Variants in CLCA4 observed in about 807,000 individuals in gnomAD.
The protein encoded by CLCA4 is calcium-activated chloride channel regulator 4.
In CLCA4, 69 loss-of-function variants were observed where a neutral mutation model predicts 78.9. That is an observed-to-expected ratio of 0.87 (90% CI 0.72 to 1.07). CLCA4 has a LOEUF of 1.07. Ranked by LOEUF, CLCA4 falls within the 50% of genes least tolerant of loss-of-function variation. CLCA4 has a pLI of 0.00. For synonymous variants in CLCA4, 362 were observed against 375.8 expected (o/e 0.96, Z 0.42); for missense variants, 1,133 against 1,095.8 (o/e 1.03, Z -0.48).
chr1:86,553,108 C>G (rs114740210), intron 1 of CLCA4: 6 of 755,500 alleles, frequency 7.9e-6, no homozygotes, highest in East Asian at 2.5e-5. Context: ...GGGTGTGCGC[C>G]GTATCCCATC....
At position 86,580,307 on chromosome 1, in the gene CLCA4, G is replaced by A. The variant is rs2101823755; in HGVS notation, c.2722G>A (p.Val908Ile). 6 of 1,598,860 alleles carry A rather than the reference G, an allele frequency of 3.8e-6. No individual in the cohort carries two copies. The highest frequency in any genetic ancestry group is 5.1e-6 in the Non-Finnish European group (6 of 1,175,006). The change falls in exon 14 of 14, where the codon GTT becomes ATT. Residue 908 changes from valine to isoleucine, a missense_variant. Coordinates refer to ENST00000370563, the MANE Select transcript of CLCA4 (RefSeq NM_012128.4). Reference sequence around the variant, plus strand: ...GCTGGTATTGTCTGTGATTGGGTCTGTTGTAATTGTTAACTTTATTTTAAG... The same window carrying A: ...GCTGGTATTGTCTGTGATTGGGTCTATTGTAATTGTTAACTTTATTTTAAG... ...STLVLSVIGS[V>I]VIVNFILSTT...
intron 9 of CLCA4, among the ~76,000 whole-genome samples, chr1:86,573,594 A>AT (rs1245042601): frequency 6.6e-6 from 1 of 151,084 alleles, no homozygotes; most frequent in African/African-American, 2.4e-5. Context: ...AAGTTATGGG[A>AT]TGTGAGCTTA....
intron 9 of CLCA4, among the ~76,000 whole-genome samples, chr1:86,574,302 T>G (rs1330814156): frequency 6.6e-6 from 1 of 151,742 alleles, no homozygotes; most frequent in Admixed American, 6.6e-5. Flanking sequence ...AACAGTAAGG[T>G]CATATTCATG....
In CLCA4 at chr1:86,571,281, C is replaced by G. The variant is rs762608770; in HGVS notation, c.1360+27C>G. The stretch of plus-strand genomic sequence containing the variant: ...TAAAACACGATCCATTTATTCCAGG[C>G]CTTCAATAGTAATGCATAAATGTAA... On this transcript the variant is annotated intron_variant, in intron 8 of 13. Transcript: ENST00000370563. 3 of 1,585,952 alleles carry G rather than the reference C, an allele frequency of 1.9e-6. No individual in the cohort carries two copies. The East Asian group carries it at 6.7e-5, about 36-fold the overall frequency.
In CLCA4 at chr1:86,565,364, A is replaced by G. The variant is rs759470456; in HGVS notation, c.648A>G (p.Thr216=). ...GAGCATGCAGAATTGATTCTACAACAAAACTGTATGGAAAAGATTGTCAAT... is the reference window on the plus strand; with the variant it reads ...GAGCATGCAGAATTGATTCTACAACGAAACTGTATGGAAAAGATTGTCAAT... ...LSRACRIDST[T]KLYGKDCQFF... The change falls in exon 5 of 14, where the codon ACA becomes ACG. Residue 216 remains threonine, a synonymous_variant. Transcript: ENST00000370563. 4 of 1,609,450 alleles carry G rather than the reference A, an allele frequency of 2.5e-6. No homozygotes were observed. In the East Asian group the frequency reaches 8.9e-5, roughly 36 times the overall value.
At chr1:86,559,649 G>A (rs981071013) in intron 1 of CLCA4, among the ~76,000 whole-genome samples, 1 of 152,162 alleles carries the variant, frequency 6.6e-6, no homozygotes, top group Non-Finnish European at 1.5e-5. Context: ...TGACTCCAAA[G>A]TCCATGTACA....
intron 12 of CLCA4, 109 bp downstream of exon 12, chr1:86,578,181 C>G: frequency 5.0e-6 from 5 of 1,004,048 alleles, no homozygotes; most frequent in Non-Finnish European, 7.0e-6. Flanking sequence ...TAGCTTTTCC[C>G]ATTTATGGAA....
chr1:86,559,229 T>C lies in CLCA4; in HGVS notation c.160-703T>C, dbSNP rs115483864. Among the ~76,000 whole-genome samples the C allele has an allele frequency of 5.8e-3, 884 of 152,310 alleles. 9 individuals are homozygous for C. Among genetic ancestry groups the C allele is most frequent in the African/African-American group, 0.02 (823 of 41,572 alleles). On this transcript the variant is annotated intron_variant, in intron 1 of 13. Coordinates refer to ENST00000370563, the MANE Select transcript of CLCA4 (RefSeq NM_012128.4). ...TTATAGTTCTGAATATAAGGTGATA[T>C]TATTTTCATATAGGTGGTAGAGCAA...
At chr1:86,555,051 ATT>A (rs1244396173) in intron 1 of CLCA4, among the ~76,000 whole-genome samples, 1 of 151,656 alleles carries the variant, frequency 6.6e-6, no homozygotes, top group African/African-American at 2.4e-5. Context: ...TTTTTAATGC[ATT>A]GTTTGTTTTT....
At chr1:86,551,010 T>C (rs1297509534) in intron 1 of CLCA4, among the ~76,000 whole-genome samples, 2 of 151,818 alleles carry the variant, frequency 1.3e-5, no homozygotes, top group African/African-American at 2.4e-5. Context: ...TTTTTGTATT[T>C]TTAGTAGAGA....
intron 7 of CLCA4, 63 bp downstream of exon 7, chr1:86,567,714 G>A (rs1650244354): frequency 1.5e-6 from 2 of 1,306,512 alleles, no homozygotes; most frequent in Middle Eastern, 1.9e-4. Flanking sequence ...TTCATGTTAA[G>A]TGGTACTGCA....
chr1:86,549,348 T>C (rs981729330), intron 1 of CLCA4, among the ~76,000 whole-genome samples: 1 of 152,126 alleles, frequency 6.6e-6, no homozygotes. Flanking sequence ...GGAGGAAGCA[T>C]AGGGTGAGCT....
Position 86,579,474 on chromosome 1 carries a change from C to G in CLCA4, c.2243C>G (p.Pro748Arg), listed in dbSNP as rs768624915. 4.3e-6 allele frequency: 7 copies of G among 1,613,318 alleles called. No homozygotes were observed. Among genetic ancestry groups the G allele is most frequent in the Non-Finnish European group, 5.9e-6 (7 of 1,179,508 alleles). ...AFVVSQVPSLPLPDQYPPSQI... is the reference protein window; with the variant it reads ...AFVVSQVPSLRLPDQYPPSQI... Reference sequence around the variant, plus strand: ...GTGGTATCACAAGTCCCAAGCCTTCCCTTGCCTGACCAATACCCACCAAGT... The same window carrying G: ...GTGGTATCACAAGTCCCAAGCCTTCGCTTGCCTGACCAATACCCACCAAGT... Residue 748 changes from proline (P) to arginine (R), a missense_variant, in exon 13 of 14, where the codon CCC becomes CGC. Physicochemically the swap from Pro to Arg is moderately radical, Grantham distance 103. Coordinates refer to ENST00000370563, the MANE Select transcript of CLCA4 (RefSeq NM_012128.4).
rs1358232858 is a variant in CLCA4, at chr1:86,561,962, A to G, written c.448+1604A>G. Among the ~76,000 whole-genome samples, 5 of 152,196 alleles carry G rather than the reference A, an allele frequency of 3.3e-5. No homozygotes were observed. In the East Asian group the frequency reaches 9.6e-4, roughly 29 times the overall value. ...AATAACATTAGTAAGAATCTTATGCAATTTTGTAATAATCATGATAACACC... is the reference window on the plus strand; with the variant it reads ...AATAACATTAGTAAGAATCTTATGCGATTTTGTAATAATCATGATAACACC... On this transcript the variant is annotated intron_variant, in intron 3 of 13. Coordinates refer to ENST00000370563, the MANE Select transcript of CLCA4 (RefSeq NM_012128.4).
At chr1:86,552,612 C>T in intron 1 of CLCA4, 1 of 660,404 alleles carries the variant, frequency 1.5e-6, no homozygotes, top group Non-Finnish European at 2.7e-6. Context: ...GCGCTCAGGG[C>T]TCTGGTTCAG....
At chr1:86,565,565 G>C in intron 5 of CLCA4, 114 bp downstream of exon 5, 1 of 834,932 alleles carries the variant, frequency 1.2e-6, no homozygotes, top group Non-Finnish European at 1.9e-6. Context: ...AGAGTTCTTT[G>C]AACACTGGCT....
intron 1 of CLCA4, among the ~76,000 whole-genome samples, chr1:86,548,491 G>A (rs1020294451): frequency 3.3e-5 from 5 of 151,832 alleles, no homozygotes; most frequent in Non-Finnish European, 7.4e-5. Context: ...GACCAGGCTG[G>A]CCAACATGTT....
chr1:86,574,751 C>T lies in CLCA4; in HGVS notation c.1679C>T (p.Ala560Val). ...GCCTATCTCAGTATTCCAGGAACTGCAAAGGTAAGCAATCAGCTTTTAGAC... is the reference window on the plus strand; with the variant it reads ...GCCTATCTCAGTATTCCAGGAACTGTAAAGGTAAGCAATCAGCTTTTAGAC... ...KMAYLSIPGT[A>V]KVGTWAYNLQ... The change falls in exon 10 of 14, where the codon GCA becomes GTA. Residue 560 changes from alanine to valine, a missense_variant. By Grantham distance (64) the Ala-to-Val change is moderately conservative. Transcript: ENST00000370563. The T allele has an allele frequency of 1.2e-6, 2 of 1,607,534 alleles. No homozygotes were observed. The highest frequency in any genetic ancestry group is 1.7e-6 in the Non-Finnish European group (2 of 1,174,578).
intron 1 of CLCA4, among the ~76,000 whole-genome samples, chr1:86,558,264 T>C (rs900871839): frequency 2.6e-5 from 4 of 152,182 alleles, no homozygotes; most frequent in Non-Finnish European, 5.9e-5. Flanking sequence ...TGTTGACTTG[T>C]TTGAGTGACA....
Sources: gnomAD v4.1 joint callset for allele counts (sites outside exome capture counted in the v4.1 genomes callset) on GRCh38, gnomAD v4.1.1 for gene constraint, MANE v1.5 for transcripts, NCBI Gene and HGNC (gene_info 2026-07-23, HGNC 2026-07-21) for gene names.